The following RBFOX1 variants were observed in gnomAD, a reference collection of about 807,000 sequenced individuals.
RBFOX1 encodes RNA binding protein fox-1 homolog 1.
Under a neutral mutation model 57.7 loss-of-function variants are expected in RBFOX1, and 8 were observed. The observed-to-expected ratio is 0.14, with a 90% confidence interval of 0.08 to 0.25. The LOEUF (loss-of-function observed/expected upper bound fraction) is 0.25. Among genes scored for constraint, RBFOX1 ranks in the 10% least tolerant of loss-of-function variants. RBFOX1 has a pLI of 1.00. For missense variants in RBFOX1, 611 were observed against 548.5 expected, an observed-to-expected ratio of 1.11 and a Z score of -1.14; for synonymous variants, 326 against 222.4, an observed-to-expected ratio of 1.47 and a Z score of -4.15.
At chr16:6,013,371 G>T (rs1183980048) in intron 4 of RBFOX1, among the ~76,000 whole-genome samples, 1 of 152,142 alleles carries the variant, frequency 6.6e-6, no homozygotes, top group Non-Finnish European at 1.5e-5. Context: ...TTTCCAAAGT[G>T]TTCTTTATAT....
chr16:6,671,454 A>G (rs1353163896), intron 3 of RBFOX1, among the ~76,000 whole-genome samples: 2 of 152,206 alleles, frequency 1.3e-5, no homozygotes, highest in Non-Finnish European at 2.9e-5. Context: ...TTAATTTGAT[A>G]TTTGAACATT....
intron 1 of RBFOX1, among the ~76,000 whole-genome samples, chr16:6,061,400 C>A (rs2095684530): frequency 1.3e-5 from 2 of 151,760 alleles, no homozygotes; most frequent in South Asian, 4.1e-4. Context: ...AGATAATTTT[C>A]ATTATATGTC....
chr16:7,673,636 A>G (rs2072318846), intron 13 of RBFOX1, among the ~76,000 whole-genome samples: 1 of 152,186 alleles, frequency 6.6e-6, no homozygotes, highest in South Asian at 2.1e-4. Flanking sequence ...TTTGCTAACA[A>G]AGGAAACTTC....
rs548329749 is a variant in RBFOX1, at chr16:5,300,916, C to A, written c.219+60811C>A. Among the ~76,000 whole-genome samples, 46 of 152,284 alleles carry A rather than the reference C, an allele frequency of 3.0e-4. No homozygotes were observed. The South Asian group carries it at 9.6e-3, about 32-fold the overall frequency. On this transcript the variant is annotated intron_variant, in intron 1 of 2. Coordinates refer to the RBFOX1 transcript ENST00000585867. ...GAATTAGTAATTTGTGTGTTTCTTT[C>A]TGTCTGCCTGTCTGTCTGTCTCTCT...
chr16:7,627,413 C>T (rs2060250211), intron 10 of RBFOX1, among the ~76,000 whole-genome samples: 1 of 152,066 alleles, frequency 6.6e-6, no homozygotes, highest in Non-Finnish European at 1.5e-5. Context: ...AAATTGACCC[C>T]ATTTGCCATC....
intron 3 of RBFOX1, among the ~76,000 whole-genome samples, chr16:6,918,529 T>A (rs2073764617): frequency 6.6e-6 from 1 of 152,174 alleles, no homozygotes; most frequent in Non-Finnish European, 1.5e-5. Flanking sequence ...ATAACTTTCA[T>A]GTTGCAATTC....
At chr16:5,923,742 T>C (rs1019907132) in intron 4 of RBFOX1, among the ~76,000 whole-genome samples, 12 of 151,986 alleles carry the variant, frequency 7.9e-5, no homozygotes, top group Non-Finnish European at 1.8e-4. Context: ...GGTTTCACCA[T>C]GTTGGCCAGA....
At chr16:7,284,828 T>C (rs1395658921) in intron 4 of RBFOX1, among the ~76,000 whole-genome samples, 1 of 152,226 alleles carries the variant, frequency 6.6e-6, no homozygotes, top group Non-Finnish European at 1.5e-5. Flanking sequence ...GTTAGAGCTT[T>C]AAGATGGCCC....
intron 1 of RBFOX1, among the ~76,000 whole-genome samples, chr16:6,211,333 A>G (rs995256778): frequency 1.4e-5 from 2 of 146,886 alleles, no homozygotes; most frequent in African/African-American, 5.1e-5. Flanking sequence ...GGTTCATGCC[A>G]TTCTTCTACC....
At position 7,659,465 on chromosome 16, in the gene RBFOX1, C is replaced by G. The variant is rs28675078; in HGVS notation, c.891-5464C>G. 9.5e-4 allele frequency among the ~76,000 whole-genome samples: 144 copies of G among 152,284 alleles called. 2 individuals are homozygous for G. Among genetic ancestry groups the G allele is most frequent in the African/African-American group, 3.2e-3 (135 of 41,560 alleles). ...ATACTAGGAACAAAAGTCATCATTA[C>G]CCATTCTCAGAATACTTTAGACACA... On this transcript the variant is annotated intron_variant, in intron 12 of 15. Coordinates refer to ENST00000550418, the MANE Select transcript of RBFOX1 (RefSeq NM_018723.4).
At chr16:7,649,343 G>C (rs564640391) in intron 11 of RBFOX1, among the ~76,000 whole-genome samples, 1 of 152,072 alleles carries the variant, frequency 6.6e-6, no homozygotes, top group African/African-American at 2.4e-5. Flanking sequence ...GAATGCTTCT[G>C]TTCACAAGAT....
At chr16:7,407,373 G>GGTGGGTGTGTGT (rs1555860958) in intron 4 of RBFOX1, among the ~76,000 whole-genome samples, 2 of 149,556 alleles carry the variant, frequency 1.3e-5, no homozygotes, top group Non-Finnish European at 3.0e-5. Flanking sequence ...GATTTGTATG[G>GGTGGGTGTGTGT]GTGTGTGTGT....
intron 14 of RBFOX1, among the ~76,000 whole-genome samples, chr16:7,706,181 C>T (rs771914146): frequency 3.3e-5 from 5 of 152,116 alleles, no homozygotes; most frequent in East Asian, 3.9e-4. Flanking sequence ...CACACAAGGG[C>T]GTGTTCAGAA....
At chr16:5,631,943 C>A (rs541522131) in intron 3 of RBFOX1, among the ~76,000 whole-genome samples, 18 of 152,176 alleles carry the variant, frequency 1.2e-4, no homozygotes, top group Non-Finnish European at 2.4e-4. Flanking sequence ...AAATGGCATC[C>A]CCAAGTAGGA....
At position 5,626,511 on chromosome 16, in the gene RBFOX1, A is replaced by C. The variant is rs77103996; in HGVS notation, c.318+27550A>C. Reference sequence around the variant, plus strand: ...TGAGCTCCTGGCGGTTAGGACTTTAACATATGAATTCTGGCGGAACACAGT... The same window carrying C: ...TGAGCTCCTGGCGGTTAGGACTTTACCATATGAATTCTGGCGGAACACAGT... On this transcript the variant is annotated intron_variant, in intron 3 of 19. Transcript: ENST00000641259. 4.2e-3 allele frequency among the ~76,000 whole-genome samples: 640 copies of C among 152,252 alleles called. 1 individual carries two copies. Among genetic ancestry groups the C allele is most frequent in the African/African-American group, 0.015 (612 of 41,532 alleles).
At chr16:6,063,153 C>G (rs1042474076) in intron 1 of RBFOX1, among the ~76,000 whole-genome samples, 1 of 152,036 alleles carries the variant, frequency 6.6e-6, no homozygotes, top group African/African-American at 2.4e-5. Flanking sequence ...TTAACACATA[C>G]GCTGACCATC....
At chr16:6,757,727 C>G (rs1464124207) in intron 3 of RBFOX1, among the ~76,000 whole-genome samples, 1 of 152,102 alleles carries the variant, frequency 6.6e-6, no homozygotes, top group African/African-American at 2.4e-5. Context: ...TAGTGTTCCA[C>G]AGCATAGTAT....
intron 4 of RBFOX1, among the ~76,000 whole-genome samples, chr16:7,080,514 A>T (rs1332434618): frequency 2.0e-5 from 3 of 152,142 alleles, no homozygotes; most frequent in Non-Finnish European, 2.9e-5. Context: ...CATGTTTGTT[A>T]TAAAGTTTGC....
rs544903144 is a variant in RBFOX1 at position 5,256,870 on chromosome 16, T to G, written c.219+16765T>G. On this transcript the variant is annotated intron_variant, in intron 1 of 2. Transcript: ENST00000585867. ...AATCATTTGAGCTCAGGAGGCAGAG[T>G]TTGCAGTGAGCTGAGATGGCGCCAC... Among the ~76,000 whole-genome samples the G allele has an allele frequency of 1.2e-3, 182 of 151,788 alleles. 1 individual carries two copies. The highest frequency in any genetic ancestry group is 4.2e-3 in the African/African-American group (175 of 41,378).
Sources: gnomAD v4.1 joint callset for allele counts (sites outside exome capture counted in the v4.1 genomes callset) on GRCh38, gnomAD v4.1.1 for gene constraint, MANE v1.5 for transcripts, NCBI Gene and HGNC (gene_info 2026-07-23, HGNC 2026-07-21) for gene names.